BRD10: variants seen among roughly 807,000 people sequenced by gnomAD.
BRD10 encodes bromodomain containing 10, also known as uncharacterized bromodomain-containing protein 10.
chr9:5,927,403 A>T, the BRD10 span, among the ~76,000 whole-genome samples: 1 of 152,146 alleles, frequency 6.6e-6, no homozygotes, highest in South Asian at 2.1e-4. Context: ...CAGTACACAA[A>T]CATGTTATTC....
At chr9:5,915,872 T>A in the BRD10 span, among the ~76,000 whole-genome samples, 2 of 152,332 alleles carry the variant, frequency 1.3e-5, no homozygotes, top group African/African-American at 4.8e-5. Flanking sequence ...ATGCCTTGAA[T>A]TTGTTTGATA....
chr9:5,918,028 T>G, the BRD10 span, among the ~76,000 whole-genome samples: 1 of 152,256 alleles, frequency 6.6e-6, no homozygotes, highest in Non-Finnish European at 1.5e-5. Flanking sequence ...TACAGCCATT[T>G]GTTGAGCACC....
the BRD10 span, among the ~76,000 whole-genome samples, chr9:5,953,597 A>T: frequency 6.6e-6 from 1 of 152,182 alleles, no homozygotes; most frequent in African/African-American, 2.4e-5. Context: ...CAAATAAATG[A>T]AAACGAACTA....
the BRD10 span, among the ~76,000 whole-genome samples, chr9:5,903,515 C>T: frequency 2.2e-4 from 33 of 152,214 alleles, no homozygotes; most frequent in African/African-American, 7.7e-4. Context: ...GTAATGTTGG[C>T]CTCATACAAT....
chr9:5,933,222 A>G, the BRD10 span, among the ~76,000 whole-genome samples: 2 of 152,248 alleles, frequency 1.3e-5, no homozygotes, highest in African/African-American at 4.8e-5. Context: ...CACAGGGATA[A>G]ATTAACTGTT....
At chr9:5,892,922 C>A in the BRD10 span, among the ~76,000 whole-genome samples, 1,549 of 152,172 alleles carry the variant, frequency 0.01, 18 homozygotes, top group African/African-American at 0.035. Flanking sequence ...GGTTTGCAGA[C>A]AGAATAAAAG....
chr9:5,892,251 G>A, the BRD10 span, among the ~76,000 whole-genome samples: 1 of 152,162 alleles, frequency 6.6e-6, no homozygotes, highest in African/African-American at 2.4e-5. Context: ...GTTAGTAGGA[G>A]GGGTTAGAAA....
the BRD10 span, chr9:6,007,836 T>TG: frequency 1.4e-6 from 2 of 1,393,592 alleles, no homozygotes; most frequent in Non-Finnish European, 1.8e-6. Flanking sequence ...CTCGAGGTGC[T>TG]GGGGGACGCG....
At chr9:5,933,166 G>A in the BRD10 span, among the ~76,000 whole-genome samples, 1 of 152,150 alleles carries the variant, frequency 6.6e-6, no homozygotes, top group Non-Finnish European at 1.5e-5. Context: ...TAAGCTTTAT[G>A]CATCTAATTT....
At chr9:5,955,763 T>C in the BRD10 span, among the ~76,000 whole-genome samples, 3 of 152,238 alleles carry the variant, frequency 2.0e-5, no homozygotes, top group East Asian at 5.8e-4. Context: ...ACCATTGTTA[T>C]TTACTTCTGT....
At chr9:5,916,044 C>G in the BRD10 span, among the ~76,000 whole-genome samples, 2 of 152,174 alleles carry the variant, frequency 1.3e-5, no homozygotes, top group African/African-American at 4.8e-5. Context: ...ATGCTATACC[C>G]TTCAACTTTT....
chr9:5,922,231 A>G, the BRD10 span: 4 of 1,614,028 alleles, frequency 2.5e-6, no homozygotes, highest in East Asian at 2.2e-5. Context: ...TCTGTTGTGC[A>G]AAACAGTTGA....
At chr9:5,923,277 T>C in the BRD10 span, 134 of 1,609,922 alleles carry the variant, frequency 8.3e-5, no homozygotes, top group Admixed American at 6.6e-4. Flanking sequence ...CTTCTAGCCA[T>C]AGGAAAATCT....
chr9:5,948,261 C>T, the BRD10 span, among the ~76,000 whole-genome samples: 1 of 152,134 alleles, frequency 6.6e-6, no homozygotes, highest in African/African-American at 2.4e-5. Flanking sequence ...TAAGATGACA[C>T]ACTGCTAGAG....
At chr9:5,950,684 T>G in the BRD10 span, among the ~76,000 whole-genome samples, 29 of 152,134 alleles carry the variant, frequency 1.9e-4, no homozygotes, top group Admixed American at 5.9e-4. Context: ...CACATTTGGT[T>G]AGACCCTTTA....
chr9:5,883,086 CA>C, the BRD10 span, among the ~76,000 whole-genome samples: 1 of 151,840 alleles, frequency 6.6e-6, no homozygotes, highest in Non-Finnish European at 1.5e-5. Context: ...TGCAGCACAC[CA>C]ACATGGCACA....
chr9:5,931,694 G>A, the BRD10 span, among the ~76,000 whole-genome samples: 49 of 151,882 alleles, frequency 3.2e-4, no homozygotes, highest in African/African-American at 1.0e-3. Flanking sequence ...TCTATATTTC[G>A]AAAACAAACC....
chr9:5,972,555 G>A, the BRD10 span, among the ~76,000 whole-genome samples: 2 of 152,084 alleles, frequency 1.3e-5, no homozygotes, highest in African/African-American at 4.8e-5. Flanking sequence ...CAGTGAGTGA[G>A]TTCTCACTCT....
At chr9:5,942,413 TATAAC>T in the BRD10 span, among the ~76,000 whole-genome samples, 1 of 152,268 alleles carries the variant, frequency 6.6e-6, no homozygotes, top group South Asian at 2.1e-4. Context: ...ATACATAACA[TATAAC>T]ATAACGTAAC....
Sources: gnomAD v4.1 joint callset for allele counts (sites outside exome capture counted in the v4.1 genomes callset) on GRCh38, gnomAD v4.1.1 for gene constraint, MANE v1.5 for transcripts, NCBI Gene and HGNC (gene_info 2026-07-23, HGNC 2026-07-21) for gene names.